Variants in SLC49A4 observed in about 807,000 individuals in gnomAD.
SLC49A4 encodes disrupted in renal cancer protein 2.
Under a neutral mutation model 50.6 loss-of-function variants are expected in SLC49A4, and 36 were observed. The observed-to-expected ratio is 0.71, with a 90% CI of 0.55 to 0.94. The LOEUF is 0.94. Among genes scored for constraint, SLC49A4 ranks in the 40% least tolerant of loss-of-function variants. The probability of loss-of-function intolerance (pLI) is 0.00; values close to 1 mark genes in which losing one functional copy is unlikely to be tolerated. For synonymous variants in SLC49A4, 248 were observed against 241.2 expected (o/e 1.03, Z -0.26); for missense variants, 503 against 605.7 (o/e 0.83, Z 1.78).
chr3:122,810,134 T>C (rs1936279043), intron 2 of SLC49A4, among the ~76,000 whole-genome samples: 2 of 152,226 alleles, frequency 1.3e-5, no homozygotes, highest in Admixed American at 1.3e-4. Context: ...CCTTTTGGAA[T>C]GGCTCCCCTG....
At chr3:122,848,336 T>C (rs1487266122) in intron 5 of SLC49A4, among the ~76,000 whole-genome samples, 4 of 152,190 alleles carry the variant, frequency 2.6e-5, no homozygotes, top group Non-Finnish European at 5.9e-5. Flanking sequence ...TTTATTCCTT[T>C]AGTCTGTTTG....
intron 4 of SLC49A4, among the ~76,000 whole-genome samples, chr3:122,834,204 C>T (rs1158125280): frequency 3.3e-5 from 5 of 152,090 alleles, no homozygotes; most frequent in Non-Finnish European, 7.4e-5. Flanking sequence ...GGTTCCTCTC[C>T]CCAGATGGTA....
intron 1 of SLC49A4, among the ~76,000 whole-genome samples, chr3:122,798,527 A>C (rs1444027720): frequency 6.6e-6 from 1 of 152,040 alleles, no homozygotes; most frequent in Non-Finnish European, 1.5e-5. Flanking sequence ...TTAGTAGAAG[A>C]AAGCAAATAC....
intron 5 of SLC49A4, 67 bp downstream of exon 5, chr3:122,845,938 G>A (rs542276070): frequency 7.0e-5 from 83 of 1,184,012 alleles, no homozygotes; most frequent in South Asian, 2.2e-4. Flanking sequence ...TACTGGTTAC[G>A]TGTTCTTGGT....
At chr3:122,855,017 C>T (rs1396903666) in intron 5 of SLC49A4, among the ~76,000 whole-genome samples, 7 of 151,614 alleles carry the variant, frequency 4.6e-5, no homozygotes, top group African/African-American at 1.2e-4. Flanking sequence ...GGTGTAAACC[C>T]GGGAGGCGGA....
intron 4 of SLC49A4, among the ~76,000 whole-genome samples, chr3:122,844,905 A>G (rs1477570442): frequency 6.6e-6 from 1 of 151,540 alleles, no homozygotes; most frequent in Non-Finnish European, 1.5e-5. Flanking sequence ...ACATACACAT[A>G]TTGTACATAT....
intron 4 of SLC49A4, among the ~76,000 whole-genome samples, chr3:122,836,940 A>T (rs1385798104): frequency 3.3e-5 from 5 of 152,208 alleles, no homozygotes; most frequent in Non-Finnish European, 7.3e-5. Context: ...GAGCCAAATC[A>T]TGAGTGAACT....
At chr3:122,812,539 C>G (rs1304393467) in intron 2 of SLC49A4, among the ~76,000 whole-genome samples, 2 of 152,188 alleles carry the variant, frequency 1.3e-5, no homozygotes, top group African/African-American at 4.8e-5. Flanking sequence ...CCCAGTCCCA[C>G]TTAGTTAGGC....
intron 4 of SLC49A4, among the ~76,000 whole-genome samples, chr3:122,837,581 A>C (rs1484328464): frequency 6.6e-6 from 1 of 152,038 alleles, no homozygotes; most frequent in African/African-American, 2.4e-5. Flanking sequence ...TAAAGACTTA[A>C]ACGTTAGACC....
At position 122,795,311 on chromosome 3, in the gene SLC49A4, C is replaced by CGGTCCCG; in HGVS notation, c.129_135dup (p.Arg46SerfsTer101). On this transcript the variant is annotated frameshift_variant, in exon 1 of 9. Coordinates refer to ENST00000261038, the MANE Select transcript of SLC49A4 (RefSeq NM_032839.3). LOFTEE classifies it high-confidence loss of function. ...GCGGCGGCGGCGGCGCTGCCCGCGG[C>CGGTCCCG]GGTCCCGGGTCCCGGGCGGGTATAC... The CGGTCCCG allele has an allele frequency of 4.8e-6, 7 of 1,471,546 alleles. No individual in the cohort carries two copies. Among genetic ancestry groups the CGGTCCCG allele is most frequent in the African/African-American group, 1.5e-5 (1 of 67,238 alleles). The allele number at this position is 1,471,546 out of a possible 1,614,324, so 91.2% of individuals were successfully genotyped here.
intron 7 of SLC49A4, 109 bp downstream of exon 7, chr3:122,860,311 T>C (rs1937045992): frequency 8.8e-7 from 1 of 1,141,404 alleles, no homozygotes; most frequent in Non-Finnish European, 1.2e-6. Context: ...TTGTTAAATA[T>C]ACAAAAAAGT....
At chr3:122,817,320 C>T (rs758444892) in intron 2 of SLC49A4, among the ~76,000 whole-genome samples, 3 of 152,108 alleles carry the variant, frequency 2.0e-5, no homozygotes, top group South Asian at 4.1e-4. Flanking sequence ...CGAATGCGGG[C>T]GGCCACTACA....
intron 6 of SLC49A4, among the ~76,000 whole-genome samples, chr3:122,857,354 T>TTCTTGGTATTTCCAAAGAGATAATATTC (rs1937002563): frequency 1.3e-5 from 2 of 151,066 alleles, no homozygotes; most frequent in African/African-American, 4.9e-5. Flanking sequence ...TATAAAACTA[T>TTCTTGGTATTTCCAAAGAGATAATATTC]TCTTGGTATT....
At chr3:122,819,659 C>T (rs958434088) in intron 2 of SLC49A4, among the ~76,000 whole-genome samples, 19 of 152,070 alleles carry the variant, frequency 1.2e-4, no homozygotes, top group African/African-American at 4.3e-4. Context: ...ATTACTTTTC[C>T]ACCACCACCT....
chr3:122,862,402 A>T (rs1937067868), intron 7 of SLC49A4, among the ~76,000 whole-genome samples: 1 of 152,188 alleles, frequency 6.6e-6, no homozygotes, highest in African/African-American at 2.4e-5. Flanking sequence ...TTGCCTGGAA[A>T]ACCCAGTTGT....
intron 2 of SLC49A4, among the ~76,000 whole-genome samples, chr3:122,813,234 C>G (rs1169264540): frequency 7.1e-6 from 1 of 141,030 alleles, no homozygotes; most frequent in Admixed American, 7.2e-5. Flanking sequence ...GAGCGAGACT[C>G]TGTCTCAAAA....
chr3:122,843,863 A>T (rs1355492447), intron 4 of SLC49A4, among the ~76,000 whole-genome samples: 2 of 152,198 alleles, frequency 1.3e-5, no homozygotes, highest in African/African-American at 4.8e-5. Flanking sequence ...TAATATCTGG[A>T]CAACTCTCAT....
At chr3:122,818,410 GA>G (rs1936406871) in intron 2 of SLC49A4, among the ~76,000 whole-genome samples, 3 of 152,152 alleles carry the variant, frequency 2.0e-5, no homozygotes, top group Admixed American at 6.5e-5. Flanking sequence ...GTGGTTGTCT[GA>G]ATTGGGGTAT....
intron 1 of SLC49A4, among the ~76,000 whole-genome samples, chr3:122,796,691 C>T (rs1430386738): frequency 6.6e-6 from 1 of 152,174 alleles, no homozygotes; most frequent in African/African-American, 2.4e-5. Flanking sequence ...AAGGCTGCAC[C>T]TTCTTATTCC....
Sources: gnomAD v4.1 joint callset for allele counts (sites outside exome capture counted in the v4.1 genomes callset) on GRCh38, gnomAD v4.1.1 for gene constraint, MANE v1.5 for transcripts, NCBI Gene and HGNC (gene_info 2026-07-23, HGNC 2026-07-21) for gene names.